The following GRM8 variants were observed in gnomAD, a reference collection of about 807,000 sequenced individuals.
The protein encoded by GRM8 is metabotropic glutamate receptor 8.
A neutral mutation model predicts 87.2 loss-of-function variants in GRM8; 47 were observed. The observed-to-expected ratio is 0.54, with a 90% CI of 0.43 to 0.69. The LOEUF (loss-of-function observed/expected upper bound fraction) is 0.69. GRM8 is among the 30% of genes least tolerant of loss of function. The pLI is 0.00. For missense variants in GRM8, 1,019 were observed against 1,139.2 expected (o/e 0.89, Z 1.52); for synonymous variants, 396 against 404.5 (o/e 0.98, Z 0.25).
intron 3 of GRM8, among the ~76,000 whole-genome samples, chr7:126,922,923 G>A (rs961005809): frequency 7.9e-5 from 12 of 152,228 alleles, no homozygotes; most frequent in Admixed American, 7.9e-4. Context: ...AGCTCCCTGA[G>A]GCCTCCCCAG....
At chr7:126,677,487 G>A (rs772292676) in intron 7 of GRM8, among the ~76,000 whole-genome samples, 6 of 151,938 alleles carry the variant, frequency 3.9e-5, no homozygotes, top group East Asian at 1.9e-4. Context: ...TAAATAAAAC[G>A]TCATATATAT....
Position 126,976,938 on chromosome 7 carries a change from G to A in GRM8, c.728-72255C>T, listed in dbSNP as rs1036708918. 3.3e-5 allele frequency among the ~76,000 whole-genome samples: 5 copies of A among 150,362 alleles called. 1 individual carries two copies. Among genetic ancestry groups the A allele is most frequent in the Non-Finnish European group, 7.4e-5 (5 of 67,722 alleles). ...TTACAGATTTTACCTTGATTTAGTTGCATAATGAATGCAACACCTATTTTC... is the reference window on the plus strand; with the variant it reads ...TTACAGATTTTACCTTGATTTAGTTACATAATGAATGCAACACCTATTTTC... On this transcript the variant is annotated intron_variant, in intron 3 of 10. Coordinates refer to ENST00000339582, the MANE Select transcript of GRM8 (RefSeq NM_000845.3).
chr7:126,840,050 C>T (rs534365147), intron 6 of GRM8, among the ~76,000 whole-genome samples: 24 of 152,076 alleles, frequency 1.6e-4, no homozygotes, highest in African/African-American at 5.5e-4. Flanking sequence ...GTTTTTTCAC[C>T]ACCATATATA....
chr7:127,117,203 G>T lies in GRM8; in HGVS notation c.511-10491C>A, dbSNP rs116010010. On this transcript the variant is annotated intron_variant, in intron 2 of 10. Coordinates refer to ENST00000339582, the MANE Select transcript of GRM8 (RefSeq NM_000845.3). ...TCTTCTTTGTACTCAGGCAGTGAAG[G>T]CTTTGGGATAGGACTTCAAGCTATA... Among the ~76,000 whole-genome samples, 613 of 152,316 alleles carry T rather than the reference G, an allele frequency of 4.0e-3. 1 individual carries two copies. Among genetic ancestry groups the T allele is most frequent in the Non-Finnish European group, 7.6e-3 (519 of 68,032 alleles).
chr7:126,703,236 A>G (rs1810132406), intron 7 of GRM8, among the ~76,000 whole-genome samples: 2 of 152,208 alleles, frequency 1.3e-5, no homozygotes, highest in African/African-American at 4.8e-5. Context: ...GGTGAGGAAA[A>G]GGAGGAATTA....
intron 3 of GRM8, among the ~76,000 whole-genome samples, chr7:127,045,896 T>C (rs1818875913): frequency 1.3e-5 from 2 of 152,214 alleles, no homozygotes; most frequent in African/African-American, 2.4e-5. Context: ...ATATGAATTA[T>C]AGAATCTGTC....
intron 3 of GRM8, among the ~76,000 whole-genome samples, chr7:127,074,393 C>T (rs1015938525): frequency 6.6e-6 from 1 of 152,148 alleles, no homozygotes; most frequent in South Asian, 2.1e-4. Flanking sequence ...AGGACAAGGA[C>T]AGCAGAGGGT....
intron 6 of GRM8, among the ~76,000 whole-genome samples, chr7:126,795,572 C>T (rs1159127517): frequency 1.3e-5 from 2 of 152,030 alleles, no homozygotes; most frequent in African/African-American, 4.8e-5. Context: ...TTTGGATCAC[C>T]AGAATTCCCA....
intron 2 of GRM8, among the ~76,000 whole-genome samples, chr7:127,240,806 G>T (rs1798249885): frequency 6.6e-6 from 1 of 152,006 alleles, no homozygotes; most frequent in South Asian, 2.1e-4. Flanking sequence ...CAGAACCGGG[G>T]TAGCTGGGAG....
intron 8 of GRM8, among the ~76,000 whole-genome samples, chr7:126,565,302 AATT>A (rs1335771341): frequency 1.3e-5 from 2 of 152,082 alleles, no homozygotes; most frequent in African/African-American, 4.8e-5. Context: ...CTAAAGACTC[AATT>A]ATTAAAAAAA....
At chr7:126,886,033 C>G (rs1800460208) in intron 6 of GRM8, among the ~76,000 whole-genome samples, 1 of 152,068 alleles carries the variant, frequency 6.6e-6, no homozygotes, top group South Asian at 2.1e-4. Context: ...ATCACAACCA[C>G]AGATAACCCA....
intron 2 of GRM8, among the ~76,000 whole-genome samples, chr7:127,115,636 C>T (rs1051729086): frequency 2.6e-5 from 4 of 152,068 alleles, no homozygotes; most frequent in Non-Finnish European, 5.9e-5. Flanking sequence ...CATAATTTTA[C>T]CCCATAAGAT....
chr7:126,476,596 C>T (rs1805935783), intron 9 of GRM8, among the ~76,000 whole-genome samples: 2 of 152,044 alleles, frequency 1.3e-5, no homozygotes, highest in African/African-American at 2.4e-5. Flanking sequence ...CCTGAATAGA[C>T]ATTTTTTCAA....
chr7:127,029,428 T>A (rs1372764309), intron 3 of GRM8, among the ~76,000 whole-genome samples: 1 of 152,168 alleles, frequency 6.6e-6, no homozygotes, highest in East Asian at 1.9e-4. Context: ...ATATTGACAG[T>A]GGTGTGTTAA....
rs541106891 is a variant in GRM8, at chr7:126,540,911, C to A, written c.1495-7024G>T. 2.0e-5 allele frequency among the ~76,000 whole-genome samples: 3 copies of A among 152,172 alleles called. No homozygotes were observed. The East Asian group carries it at 5.8e-4, about 29-fold the overall frequency. On this transcript the variant is annotated intron_variant, in intron 8 of 10. Coordinates refer to ENST00000339582, the MANE Select transcript of GRM8 (RefSeq NM_000845.3). ...ATACTTTGAAAGAGATCATTTTTGG[C>A]GTGTAAGTTATCTCTATAAAGCTGT...
intron 3 of GRM8, among the ~76,000 whole-genome samples, chr7:127,063,439 G>T (rs1820814202): frequency 6.6e-6 from 1 of 152,076 alleles, no homozygotes; most frequent in African/African-American, 2.4e-5. Context: ...AGCCACTTGT[G>T]GTGGCAGGCA....
intron 6 of GRM8, among the ~76,000 whole-genome samples, chr7:126,796,746 A>C (rs1821990385): frequency 1.3e-5 from 2 of 152,082 alleles, no homozygotes; most frequent in South Asian, 4.1e-4. Context: ...CCTCTAGTTA[A>C]AGCACCCTCC....
chr7:126,633,887 T>C (rs1346973318), intron 7 of GRM8, among the ~76,000 whole-genome samples: 2 of 152,012 alleles, frequency 1.3e-5, no homozygotes, highest in Non-Finnish European at 2.9e-5. Context: ...CCATTTAGTT[T>C]TAATGCTAAT....
intron 2 of GRM8, among the ~76,000 whole-genome samples, chr7:127,195,736 C>T (rs1795245074): frequency 6.6e-6 from 1 of 152,128 alleles, no homozygotes; most frequent in African/African-American, 2.4e-5. Flanking sequence ...AAATGAGGTG[C>T]TCTTCCCTCT....
Sources: allele counts gnomAD v4.1 joint callset (sites outside exome capture counted in the v4.1 genomes callset), GRCh38; gene constraint gnomAD v4.1.1; transcripts MANE v1.5; gene names NCBI Gene and HGNC (gene_info 2026-07-23, HGNC 2026-07-21).